Variants in MIPOL1 observed in about 807,000 individuals in gnomAD.
MIPOL1 encodes the protein mirror-image polydactyly gene 1 protein.
In MIPOL1, 57 loss-of-function variants were observed where a neutral mutation model predicts 60.9. The ratio of observed to expected loss-of-function variants is 0.94; its 90% CI spans 0.76 to 1.17. The LOEUF (loss-of-function observed/expected upper bound fraction) is 1.17, where lower values mean the gene tolerates loss of function less well. Ranked by LOEUF, MIPOL1 falls within the 50% of genes most tolerant of loss-of-function variation. The pLI, the probability that MIPOL1 is intolerant of heterozygous loss-of-function variation, is 0.00. For synonymous variants in MIPOL1, 179 were observed against 168.8 expected (o/e 1.06, Z -0.47); for missense variants, 551 against 511.6 (o/e 1.08, Z -0.74).
intron 9 of MIPOL1, among the ~76,000 whole-genome samples, chr14:37,362,775 GGT>G (rs1729109300): frequency 1.3e-5 from 2 of 151,978 alleles, no homozygotes; most frequent in Admixed American, 1.3e-4. Context: ...CTTTTCACAT[GGT>G]CCCATATTTC....
intron 7 of MIPOL1, among the ~76,000 whole-genome samples, chr14:37,294,866 T>C (rs1187429730): frequency 6.6e-6 from 1 of 152,038 alleles, no homozygotes; most frequent in African/African-American, 2.4e-5. Context: ...TGGAATCAAG[T>C]TGGAAAACAC....
chr14:37,231,733 A>G (rs1345310952), intron 1 of MIPOL1, among the ~76,000 whole-genome samples: 1 of 152,162 alleles, frequency 6.6e-6, no homozygotes, highest in Non-Finnish European at 1.5e-5. Context: ...ACAATCAGTA[A>G]AGGTTAATCA....
At chr14:37,410,658 G>T (rs1312899289) in intron 10 of MIPOL1, among the ~76,000 whole-genome samples, 1 of 151,932 alleles carries the variant, frequency 6.6e-6, no homozygotes, top group Non-Finnish European at 1.5e-5. Context: ...TATGTAAAAA[G>T]AATTAAAATA....
chr14:37,526,545 ATT>A (rs760730621), intron 12 of MIPOL1, among the ~76,000 whole-genome samples: 26 of 116,610 alleles, frequency 2.2e-4, no homozygotes, highest in Admixed American at 4.5e-4. Flanking sequence ...AATTTTTTGT[ATT>A]TTTTTTTTTT....
chr14:37,468,638 A>G (rs2094634156), intron 11 of MIPOL1, among the ~76,000 whole-genome samples: 1 of 152,192 alleles, frequency 6.6e-6, no homozygotes, highest in Non-Finnish European at 1.5e-5. Flanking sequence ...TTATTAATTT[A>G]TCTATTTCAC....
At chr14:37,311,030 T>A (rs1191193795) in intron 9 of MIPOL1, among the ~76,000 whole-genome samples, 1 of 152,188 alleles carries the variant, frequency 6.6e-6, no homozygotes, top group Non-Finnish European at 1.5e-5. Flanking sequence ...AGGAGCTCTT[T>A]GCCTAGTTAA....
rs1363997584 is a variant in MIPOL1, at chr14:37,500,011, A to G, written c.1135A>G (p.Ile379Val). 2.5e-6 allele frequency: 4 copies of G among 1,613,686 alleles called. No individual in the cohort carries two copies. The highest frequency in any genetic ancestry group is 2.7e-5 in the African/African-American group (2 of 74,932). ...ALKNRENIVS[I>V]TQQQNEELAT... ...AAAAAACAGAGAGAACATTGTTTCC[A>G]TCACTCAACAACAAAATGAGGAACT... The change falls in exon 12 of 13, where the codon ATC becomes GTC. Residue 379 changes from isoleucine (I) to valine (V), a missense_variant. Coordinates refer to ENST00000684589, the MANE Select transcript of MIPOL1 (RefSeq NM_001388067.1).
chr14:37,279,929 C>T (rs573162621), intron 6 of MIPOL1, among the ~76,000 whole-genome samples: 1 of 152,110 alleles, frequency 6.6e-6, no homozygotes, highest in East Asian at 1.9e-4. Context: ...TGACCAATAT[C>T]TCTTCTTTCC....
chr14:37,214,734 C>T (rs547285494), intron 1 of MIPOL1, among the ~76,000 whole-genome samples: 29 of 152,272 alleles, frequency 1.9e-4, no homozygotes, highest in Non-Finnish European at 3.7e-4. Context: ...CCCTCTGTCA[C>T]GCCTGGACAG....
At chr14:37,385,870 A>C (rs1287802203) in intron 10 of MIPOL1, 1 of 152,102 alleles carries the variant, frequency 6.6e-6, no homozygotes, top group Non-Finnish European at 1.5e-5. Context: ...GAAACAAAAG[A>C]AAATTGCATG....
chr14:37,400,381 A>C (rs963202771), intron 10 of MIPOL1: 4 of 152,140 alleles, frequency 2.6e-5, no homozygotes, highest in African/African-American at 9.7e-5. Flanking sequence ...ACAGACAGTG[A>C]AATTGAGTTT....
chr14:37,259,406 A>G (rs538038544), intron 3 of MIPOL1, among the ~76,000 whole-genome samples: 1 of 152,036 alleles, frequency 6.6e-6, no homozygotes, highest in East Asian at 1.9e-4. Context: ...CTCTACAAAT[A>G]ATAAAAACAA....
At chr14:37,428,661 C>CTTT (rs34932209) in intron 11 of MIPOL1, among the ~76,000 whole-genome samples, 2 of 122,296 alleles carry the variant, frequency 1.6e-5, no homozygotes, top group African/African-American at 3.1e-5. Context: ...TTCCAAAAAT[C>CTTT]TTTTTTTTTT....
At chr14:37,213,688 C>T (rs1316765477) in intron 1 of MIPOL1, among the ~76,000 whole-genome samples, 1 of 151,974 alleles carries the variant, frequency 6.6e-6, no homozygotes, top group African/African-American at 2.4e-5. Context: ...ATTCCCAAAC[C>T]TAAAGAGAGA....
At chr14:37,357,884 CA>C (rs1274829269) in intron 9 of MIPOL1, among the ~76,000 whole-genome samples, 2 of 151,832 alleles carry the variant, frequency 1.3e-5, no homozygotes, top group African/African-American at 2.4e-5. Flanking sequence ...TACATGTGCA[CA>C]ATGTGCAGGT....
chr14:37,298,022 G>A (rs2085936901), intron 7 of MIPOL1, among the ~76,000 whole-genome samples: 3 of 152,106 alleles, frequency 2.0e-5, no homozygotes, highest in Admixed American at 2.0e-4. Context: ...AACAAAGCTG[G>A]AGGCATCATG....
intron 10 of MIPOL1, chr14:37,385,543 G>C (rs1028060267): frequency 3.3e-5 from 5 of 152,014 alleles, no homozygotes; most frequent in Admixed American, 1.3e-4. Flanking sequence ...AGGCCTTCAG[G>C]ATGGCTGGTT....
intron 9 of MIPOL1, among the ~76,000 whole-genome samples, chr14:37,311,236 C>T (rs549860217): frequency 7.9e-4 from 121 of 152,256 alleles, no homozygotes; most frequent in African/African-American, 2.7e-3. Flanking sequence ...TTTTCTTGTT[C>T]TTGAATGAAG....
intron 1 of MIPOL1, among the ~76,000 whole-genome samples, chr14:37,202,689 A>G (rs1965521914): frequency 1.3e-5 from 2 of 152,162 alleles, no homozygotes; most frequent in Admixed American, 6.5e-5. Context: ...TCATATTAGT[A>G]AGGATGTATT....
Sources: gnomAD v4.1 joint callset for allele counts (sites outside exome capture counted in the v4.1 genomes callset) on GRCh38, gnomAD v4.1.1 for gene constraint, MANE v1.5 for transcripts, NCBI Gene and HGNC (gene_info 2026-07-23, HGNC 2026-07-21) for gene names.